Variants in SLC24A2 observed in about 807,000 individuals in gnomAD.
SLC24A2 encodes the protein sodium/potassium/calcium exchanger 2.
Under a neutral mutation model 62.0 loss-of-function variants are expected in SLC24A2, and 36 were observed. The ratio of observed to expected loss-of-function variants is 0.58; its 90% CI spans 0.44 to 0.77. The LOEUF (loss-of-function observed/expected upper bound fraction) is 0.77. Ranked by LOEUF, SLC24A2 falls within the 30% of genes least tolerant of loss-of-function variation. The probability of loss-of-function intolerance (pLI) is 0.00; values close to 1 mark genes in which losing one functional copy is unlikely to be tolerated. For synonymous variants in SLC24A2, 358 were observed against 294.0 expected, an observed-to-expected ratio of 1.22 and a Z score of -2.23; for missense variants, 846 against 817.9, an observed-to-expected ratio of 1.03 and a Z score of -0.42.
the SLC24A2 span, among the ~76,000 whole-genome samples, chr9:19,916,557 A>G: frequency 6.6e-6 from 1 of 152,050 alleles, no homozygotes; most frequent in Non-Finnish European, 1.5e-5. Context: ...CTGTATGTAC[A>G]TCTAAGTAAA....
chr9:20,212,619 G>C, the SLC24A2 span, among the ~76,000 whole-genome samples: 2 of 151,668 alleles, frequency 1.3e-5, no homozygotes, highest in African/African-American at 4.9e-5. Flanking sequence ...CTCTGTTTTA[G>C]AAAGATCAAT....
At chr9:20,104,238 G>C in the SLC24A2 span, among the ~76,000 whole-genome samples, 1 of 152,236 alleles carries the variant, frequency 6.6e-6, no homozygotes, top group Admixed American at 6.5e-5. Flanking sequence ...GTACCTGAAA[G>C]TGATGGGGAG....
At chr9:20,305,550 A>C in the SLC24A2 span, among the ~76,000 whole-genome samples, 1 of 152,172 alleles carries the variant, frequency 6.6e-6, no homozygotes, top group Non-Finnish European at 1.5e-5. Flanking sequence ...AACTCTTCAA[A>C]ATGGGAGGGG....
At chr9:19,960,683 AGGT>A in the SLC24A2 span, among the ~76,000 whole-genome samples, 1 of 152,208 alleles carries the variant, frequency 6.6e-6, no homozygotes, top group African/African-American at 2.4e-5. Flanking sequence ...CAGTGTAATG[AGGT>A]GGTTAGGAAT....
chr9:20,018,321 A>G, the SLC24A2 span, among the ~76,000 whole-genome samples: 14 of 152,284 alleles, frequency 9.2e-5, no homozygotes, highest in African/African-American at 1.9e-4. Flanking sequence ...TTTTATAAAA[A>G]TGTTATCTAT....
At chr9:19,813,587 G>T in the SLC24A2 span, among the ~76,000 whole-genome samples, 21 of 151,892 alleles carry the variant, frequency 1.4e-4, no homozygotes, top group Non-Finnish European at 2.8e-4. Context: ...CCAAAGTGCT[G>T]GGATTACAGG....
chr9:20,269,910 G>C, the SLC24A2 span, among the ~76,000 whole-genome samples: 6 of 152,298 alleles, frequency 3.9e-5, no homozygotes, highest in East Asian at 9.6e-4. Context: ...TAATTTGTGA[G>C]AAAAGAGGCT....
the SLC24A2 span, among the ~76,000 whole-genome samples, chr9:19,921,518 T>TAAAA: frequency 3.2e-5 from 4 of 123,184 alleles, no homozygotes; most frequent in Non-Finnish European, 6.6e-5. Flanking sequence ...AGACTCCGTG[T>TAAAA]AAAAAAAAAA....
the SLC24A2 span, among the ~76,000 whole-genome samples, chr9:19,858,078 G>T: frequency 6.6e-6 from 1 of 152,150 alleles, no homozygotes; most frequent in Admixed American, 6.5e-5. Context: ...CAAAGCTGGA[G>T]ATATCATGTT....
the SLC24A2 span, among the ~76,000 whole-genome samples, chr9:20,237,492 A>T: frequency 6.6e-6 from 1 of 152,146 alleles, no homozygotes; most frequent in African/African-American, 2.4e-5. Flanking sequence ...GTTCCTAGGG[A>T]TTGCTAGGGA....
chr9:19,659,658 T>C (rs184462243), intron 2 of SLC24A2, among the ~76,000 whole-genome samples: 8 of 152,294 alleles, frequency 5.3e-5, no homozygotes, highest in African/African-American at 1.2e-4. Context: ...ACCTGACGAC[T>C]AGGGCTGCAG....
At chr9:19,522,918 A>ACTCCAAATCT (rs1833267818) in intron 9 of SLC24A2, among the ~76,000 whole-genome samples, 1 of 152,248 alleles carries the variant, frequency 6.6e-6, no homozygotes, top group African/African-American at 2.4e-5. Context: ...AAGCATTGCC[A>ACTCCAAATCT]AAGACTGAGC....
the SLC24A2 span, among the ~76,000 whole-genome samples, chr9:20,139,560 G>A: frequency 2.6e-5 from 4 of 152,190 alleles, no homozygotes; most frequent in African/African-American, 9.7e-5. Context: ...GACACTTTAT[G>A]TGTGCCTTTG....
chr9:19,644,340 G>T (rs1402290324), intron 2 of SLC24A2, among the ~76,000 whole-genome samples: 2 of 152,164 alleles, frequency 1.3e-5, no homozygotes, highest in African/African-American at 4.8e-5. Context: ...AAGTAGATAT[G>T]TTTGTAATTT....
chr9:20,138,816 G>A, the SLC24A2 span, among the ~76,000 whole-genome samples: 1 of 152,216 alleles, frequency 6.6e-6, no homozygotes, highest in African/African-American at 2.4e-5. Context: ...TCGGAAAGAA[G>A]AATCCTCCCC....
chr9:20,155,504 T>C, the SLC24A2 span, among the ~76,000 whole-genome samples: 4 of 151,818 alleles, frequency 2.6e-5, no homozygotes, highest in Non-Finnish European at 5.9e-5. Context: ...CAGATGTAAC[T>C]AAAGGAATTA....
rs189490963 is a variant in SLC24A2 at position 19,623,404 on chromosome 9, T to C, written c.931-1105A>G. 2.0e-3 allele frequency among the ~76,000 whole-genome samples: 302 copies of C among 152,308 alleles called. 1 individual carries two copies. The highest frequency in any genetic ancestry group is 6.7e-3 in the African/African-American group (277 of 41,570). ...ATGCAGAACAGTTTTAAAACCTTCA[T>C]GTGCTCTAGGCTTTCTGTTTTAGGG... On this transcript the variant is annotated intron_variant, in intron 2 of 10. Coordinates refer to ENST00000341998, the MANE Select transcript of SLC24A2 (RefSeq NM_020344.4).
the SLC24A2 span, among the ~76,000 whole-genome samples, chr9:20,000,074 C>T: frequency 1.1e-4 from 16 of 151,982 alleles, no homozygotes; most frequent in Non-Finnish European, 1.5e-4. Flanking sequence ...ACTTTGTGAT[C>T]GATCTGCAAC....
intron 2 of SLC24A2, among the ~76,000 whole-genome samples, chr9:19,658,039 C>G (rs1564021893): frequency 6.6e-6 from 1 of 152,186 alleles, no homozygotes; most frequent in Non-Finnish European, 1.5e-5. Flanking sequence ...AGGCCACAAA[C>G]CATAGCATCC....
Sources: gnomAD v4.1 joint callset for allele counts (sites outside exome capture counted in the v4.1 genomes callset) on GRCh38, gnomAD v4.1.1 for gene constraint, MANE v1.5 for transcripts, NCBI Gene and HGNC (gene_info 2026-07-23, HGNC 2026-07-21) for gene names.